COL18A1: variants seen among roughly 807,000 people sequenced by gnomAD.
COL18A1 encodes the protein collagen type XVIII alpha 1 chain, also known as collagen alpha-1(XVIII) chain.
In COL18A1, 133 loss-of-function variants were observed where a neutral mutation model predicts 168.0. The ratio of observed to expected loss-of-function variants is 0.79; its 90% CI spans 0.69 to 0.91. The LOEUF (loss-of-function observed/expected upper bound fraction) is 0.91. Among genes scored for constraint, COL18A1 ranks in the 40% least tolerant of loss-of-function variants. COL18A1 has a pLI of 0.00. For missense variants in COL18A1, 2,126 were observed against 1,925.4 expected (o/e 1.10, Z -1.95); for synonymous variants, 949 against 809.0 (o/e 1.17, Z -2.94).
At position 45,512,658 on chromosome 21, in the gene COL18A1, G is replaced by A. The variant is rs910437212; in HGVS notation, c.*260G>A. ...CTGTGAGCCCAGCTGGGTCAGGCAG[G>A]GTGCAGTATCATGCCCTGTGCAACC... On this transcript the variant is annotated 3_prime_UTR_variant, in exon 42 of 42. Transcript: ENST00000651438. 1.8e-5 allele frequency: 10 copies of A among 554,118 alleles called. No homozygotes were observed. Among genetic ancestry groups the A allele is most frequent in the Non-Finnish European group, 3.2e-5 (10 of 308,226 alleles). 34.3% of individuals were successfully genotyped at this position (554,118 alleles called of 1,614,324 possible). A position where few individuals can be genotyped will look rare whatever the true frequency, so the allele number is the denominator to read the frequency against.
At chr21:45,503,333 A>G (rs2036966519) in intron 32 of COL18A1, among the ~76,000 whole-genome samples, 1 of 151,738 alleles carries the variant, frequency 6.6e-6, no homozygotes, top group Non-Finnish European at 1.5e-5. Context: ...GATGATGAGC[A>G]TTTTTTCATG....
intron 2 of COL18A1, among the ~76,000 whole-genome samples, chr21:45,431,576 C>G (rs2033965192): frequency 6.6e-6 from 1 of 151,264 alleles, no homozygotes; most frequent in Non-Finnish European, 1.5e-5. Flanking sequence ...ACCAGGCGGC[C>G]CTGGGGGTCA....
intron 2 of COL18A1, among the ~76,000 whole-genome samples, chr21:45,438,555 G>A (rs891500921): frequency 6.6e-6 from 1 of 152,248 alleles, no homozygotes; most frequent in Admixed American, 6.5e-5. Flanking sequence ...GCCCTTCTCA[G>A]GGCTTTGGGC....
intron 27 of COL18A1, 71 bp downstream of exon 27, chr21:45,494,642 G>A: frequency 6.2e-7 from 1 of 1,603,076 alleles, no homozygotes; most frequent in Non-Finnish European, 8.5e-7. Context: ...GTCGCCCGCG[G>A]CTGCTGAGCT....
intron 2 of COL18A1, among the ~76,000 whole-genome samples, chr21:45,419,064 C>G (rs982811388): frequency 2.0e-5 from 3 of 152,226 alleles, no homozygotes; most frequent in Non-Finnish European, 4.4e-5. Flanking sequence ...GTGTCAGTGG[C>G]GGGTCAGGGA....
At chr21:45,493,604 G>A (rs756873045) in intron 26 of COL18A1, 29 bp downstream of exon 26, 4 of 1,503,784 alleles carry the variant, frequency 2.7e-6, no homozygotes, top group Non-Finnish European at 1.8e-6. Flanking sequence ...CCTTCCGGCA[G>A]GCGTGGGGGC....
chr21:45,467,194 C>T (rs1268662299), intron 2 of COL18A1: 7 of 964,878 alleles, frequency 7.3e-6, no homozygotes, highest in South Asian at 4.8e-5. Context: ...GGTGCTGCCC[C>T]CCTCCCGTGG....
intron 38 of COL18A1, among the ~76,000 whole-genome samples, chr21:45,508,160 T>C (rs1351254606): frequency 7.0e-6 from 1 of 142,148 alleles, no homozygotes; most frequent in African/African-American, 2.7e-5. Flanking sequence ...GGTGAGTGGA[T>C]AGGTAGGTAG....
chr21:45,499,396 C>G lies in COL18A1; in HGVS notation c.2683+1735C>G, dbSNP rs540379030. Among the ~76,000 whole-genome samples the G allele has an allele frequency of 3.9e-5, 6 of 152,306 alleles. No individual in the cohort carries two copies. In the South Asian group the frequency reaches 1.2e-3, roughly 32 times the overall value. On this transcript the variant is annotated intron_variant, in intron 32 of 41. Coordinates refer to ENST00000651438, the MANE Select transcript of COL18A1 (RefSeq NM_001379500.1). Reference sequence around the variant, plus strand: ...CCCTCGGGAACCAGCGTGGGCTGCCCCACATGGCATCCCAGGAACAGTGGG... The same window carrying G: ...CCCTCGGGAACCAGCGTGGGCTGCCGCACATGGCATCCCAGGAACAGTGGG...
intron 2 of COL18A1, among the ~76,000 whole-genome samples, chr21:45,416,729 C>T (rs1288972764): frequency 6.6e-6 from 1 of 152,190 alleles, no homozygotes; most frequent in Non-Finnish European, 1.5e-5. Flanking sequence ...TCTAGTTGAA[C>T]TCCAGAGGTG....
At chr21:45,486,816 CG>C in intron 15 of COL18A1, 44 bp from the exon 16 acceptor site, 1 of 1,523,588 alleles carries the variant, frequency 6.6e-7, no homozygotes. Flanking sequence ...GCAGGGCCAG[CG>C]GGGGCTGGGC....
chr21:45,483,833 G>A (rs920295591), intron 15 of COL18A1, among the ~76,000 whole-genome samples: 1 of 152,176 alleles, frequency 6.6e-6, no homozygotes, highest in Non-Finnish European at 1.5e-5. Flanking sequence ...GAGGCTGAGA[G>A]GACATGGGCT....
intron 40 of COL18A1, among the ~76,000 whole-genome samples, chr21:45,510,797 G>A (rs908693436): frequency 2.6e-5 from 4 of 152,082 alleles, no homozygotes; most frequent in African/African-American, 7.2e-5. Flanking sequence ...GGCGGCTGTG[G>A]CCTGGCGTTA....
At chr21:45,437,372 T>A (rs111167513) in intron 2 of COL18A1, among the ~76,000 whole-genome samples, 84 of 20,144 alleles carry the variant, frequency 4.2e-3, no homozygotes, top group Admixed American at 6.8e-3. Context: ...ACACACACAC[T>A]CAGACACACA....
In COL18A1 at chr21:45,432,860, G is replaced by A. The variant is rs1443406963; in HGVS notation, c.106+27387G>A. On this transcript the variant is annotated intron_variant, in intron 2 of 41. Transcript: ENST00000651438. ...GGCCTCCCTCGGTACAGCCGGGAGG[G>A]GCCTCACCCTCCACCCACAGAAATC... Among the ~76,000 whole-genome samples, 9 of 152,296 alleles carry A rather than the reference G, an allele frequency of 5.9e-5. No homozygotes were observed. The East Asian group carries it at 1.7e-3, about 29-fold the overall frequency.
At chr21:45,503,901 G>C in intron 32 of COL18A1, 110 bp from the exon 33 acceptor site, 1 of 1,121,866 alleles carries the variant, frequency 8.9e-7, no homozygotes, top group Non-Finnish European at 1.4e-6. Flanking sequence ...TCTCTACCGC[G>C]AAATGGCTAG....
chr21:45,421,552 T>C (rs2033624607), intron 2 of COL18A1: 2 of 534,498 alleles, frequency 3.7e-6, no homozygotes, highest in South Asian at 1.4e-5. Flanking sequence ...GTTAATTAGA[T>C]TGGAAAACCT....
rs980433274 is a variant in COL18A1 at position 45,473,222 on chromosome 21, C to T, written c.652-673C>T. On this transcript the variant is annotated intron_variant, in intron 3 of 41. Transcript: ENST00000651438. This position sits in a 1 kb window ranked among gnomAD's most constrained non-coding sequence, Gnocchi z 4.0. ...CCCCGGCCTGCATCTCACCAGGCAC[C>T]GCCGGCCGCGCCAGGGCCCGAGAGG... Among the ~76,000 whole-genome samples the T allele has an allele frequency of 1.3e-5, 2 of 152,216 alleles. No homozygotes were observed. Among genetic ancestry groups the T allele is most frequent in the Non-Finnish European group, 2.9e-5 (2 of 68,042 alleles).
chr21:45,493,071 T>A, intron 24 of COL18A1, 92 bp from the exon 25 acceptor site: 1 of 1,311,420 alleles, frequency 7.6e-7, no homozygotes, highest in Middle Eastern at 2.5e-4. Flanking sequence ...GCAGGCATAT[T>A]GCGGGGGGCA....
Sources: gnomAD v4.1 joint callset for allele counts (sites outside exome capture counted in the v4.1 genomes callset) on GRCh38, gnomAD v4.1.1 for gene constraint, Gnocchi (gnomAD v3.1) non-coding constraint, MANE v1.5 for transcripts, NCBI Gene and HGNC (gene_info 2026-07-23, HGNC 2026-07-21) for gene names.